The following ELK3 variants were observed in gnomAD, a reference collection of about 807,000 sequenced individuals.
ELK3 encodes ETS transcription factor ELK3.
A neutral mutation model predicts 28.9 loss-of-function variants in ELK3; 10 were observed. The ratio of observed to expected loss-of-function variants is 0.35; its 90% CI spans 0.21 to 0.59. The LOEUF is 0.59. ELK3 is among the 20% of genes least tolerant of loss of function. ELK3 has a pLI of 0.82. For synonymous variants in ELK3, 272 were observed against 243.5 expected (o/e 1.12, Z -1.09); for missense variants, 463 against 517.3 (o/e 0.90, Z 1.02).
rs146390110 is a variant in ELK3 at position 96,211,307 on chromosome 12, T to A, written c.-2-12258T>A. ...GGAGGATATATTAATAGCTAACGTT[T>A]TCTTAGAACAGTGCTCTTAATTTGA... On this transcript the variant is annotated intron_variant, in intron 1 of 4. Coordinates refer to ENST00000228741, the MANE Select transcript of ELK3 (RefSeq NM_005230.4). 2.4e-3 allele frequency among the ~76,000 whole-genome samples: 365 copies of A among 152,354 alleles called. 2 individuals carry two copies. Among genetic ancestry groups the A allele is most frequent in the African/African-American group, 8.5e-3 (352 of 41,590 alleles).
rs1317115435 is a variant in ELK3, at chr12:96,267,501, C to CT, written c.*327dup. 2.4e-5 allele frequency: 5 copies of CT among 211,124 alleles called. No individual in the cohort carries two copies. The highest frequency in any genetic ancestry group is 4.8e-5 in the Non-Finnish European group (5 of 103,598). 13.1% of individuals were successfully genotyped at this position (211,124 alleles called of 1,614,324 possible). ...CAGTATAACTAATAAGGATGTGAAGCTTTTTTCTCTTTAGTTCTGAGTATG... is the reference window on the plus strand; with the variant it reads ...CAGTATAACTAATAAGGATGTGAAGCTTTTTTTCTCTTTAGTTCTGAGTATG... On this transcript the variant is annotated 3_prime_UTR_variant, in exon 5 of 5. Coordinates refer to ENST00000228741, the MANE Select transcript of ELK3 (RefSeq NM_005230.4).
At chr12:96,265,329 T>G (rs774715132) in intron 4 of ELK3, among the ~76,000 whole-genome samples, 1 of 152,244 alleles carries the variant, frequency 6.6e-6, no homozygotes, top group Non-Finnish European at 1.5e-5. Flanking sequence ...ATACCAAAAC[T>G]GATTCTCTTG....
intron 2 of ELK3, among the ~76,000 whole-genome samples, chr12:96,230,565 C>T (rs937190414): frequency 6.6e-6 from 1 of 152,176 alleles, no homozygotes; most frequent in Non-Finnish European, 1.5e-5. Flanking sequence ...AAAGACACAT[C>T]GCTGAGCCAA....
At position 96,210,556 on chromosome 12, in the gene ELK3, C is replaced by T. The variant is rs550827108; in HGVS notation, c.-2-13009C>T. ...TCATCCTGTTCCACCGCCCTGCGCG[C>T]GGGCGCACGCACACACACACACACA... is the stretch of plus-strand genomic sequence containing the variant. On this transcript the variant is annotated intron_variant, in intron 1 of 4. Transcript: ENST00000228741. Among the ~76,000 whole-genome samples, 242 of 129,482 alleles carry T rather than the reference C, an allele frequency of 1.9e-3. 1 individual carries two copies. Among genetic ancestry groups the T allele is most frequent in the African/African-American group, 6.8e-3 (229 of 33,538 alleles). 84.9% of individuals were successfully genotyped at this position (129,482 alleles called of 152,430 possible).
intron 1 of ELK3, among the ~76,000 whole-genome samples, chr12:96,210,597 A>ACACACACCCCCCCC (rs1416746905): frequency 1.3e-4 from 19 of 149,052 alleles, no homozygotes; most frequent in Non-Finnish European, 2.4e-4. Flanking sequence ...ACACACACAC[A>ACACACACCCCCCCC]CCCCGAGTGG....
chr12:96,247,271 G>A lies in ELK3; in HGVS notation c.539G>A (p.Arg180Lys). The A allele has an allele frequency of 6.2e-7, 1 of 1,614,244 alleles. No individual in the cohort carries two copies. The highest frequency in any genetic ancestry group is 1.1e-5 in the South Asian group (1 of 91,088). The part of the protein sequence containing the change: ...PEDSPPVEEV[R>K]TVIRFVTNKT... ...GACAGCCCCCCCGTGGAAGAAGTCA[G>A]GACTGTGATCAGGTTTGTGACCAAT... Residue 180 changes from arginine to lysine, a missense_variant, in exon 3 of 5, where the codon AGG becomes AAG. By Grantham distance (26) the Arg-to-Lys change is conservative. Coordinates refer to ENST00000228741, the MANE Select transcript of ELK3 (RefSeq NM_005230.4). The surrounding 1 kb of genome is among the most constrained non-coding windows in gnomAD (Gnocchi z 5.5).
intron 4 of ELK3, among the ~76,000 whole-genome samples, chr12:96,264,077 A>G (rs1306649853): frequency 6.6e-6 from 1 of 152,192 alleles, no homozygotes; most frequent in Admixed American, 6.5e-5. Flanking sequence ...CCTGGGCTCA[A>G]GCGATCCTCC....
intron 2 of ELK3, among the ~76,000 whole-genome samples, chr12:96,234,376 G>A (rs1429793531): frequency 3.3e-5 from 5 of 152,174 alleles, no homozygotes; most frequent in South Asian, 4.1e-4. Context: ...AGCCCACACC[G>A]AGTCTGCGTT....
intron 1 of ELK3, among the ~76,000 whole-genome samples, chr12:96,204,146 T>C (rs1353298601): frequency 6.6e-6 from 1 of 152,202 alleles, no homozygotes; most frequent in Non-Finnish European, 1.5e-5. Context: ...GGATAGGATA[T>C]GTTGAAAGAA....
In ELK3 at chr12:96,215,393, C is replaced by T. The variant is rs182270917; in HGVS notation, c.-2-8172C>T. Among the ~76,000 whole-genome samples the T allele has an allele frequency of 3.8e-3, 581 of 152,292 alleles. 7 individuals carry two copies. The highest frequency in any genetic ancestry group is 0.013 in the African/African-American group (537 of 41,556). On this transcript the variant is annotated intron_variant, in intron 1 of 4. Coordinates refer to ENST00000228741, the MANE Select transcript of ELK3 (RefSeq NM_005230.4). ...TTGTGGCCGACAGGAAGGAGGTCAG[C>T]TTCCAAGAAGAGGCCAGTAGCTTTT... is the stretch of plus-strand genomic sequence containing the variant.
In ELK3 at chr12:96,247,910, CAT is replaced by C. The variant is rs767452607; in HGVS notation, c.1002+177_1002+178del. Among the ~76,000 whole-genome samples, 3 of 152,206 alleles carry C rather than the reference CAT, an allele frequency of 2.0e-5. No homozygotes were observed. Among genetic ancestry groups the C allele is most frequent in the Non-Finnish European group, 4.4e-5 (3 of 68,038 alleles). ...TTCCATCCTCAGACCAAGGGGTGCA[CAT>C]GAGACAGGGTTTGGTTTGTCGACTC... On this transcript the variant is annotated intron_variant, in intron 3 of 4. Transcript: ENST00000228741. The surrounding 1 kb of genome is among the most constrained non-coding windows in gnomAD (Gnocchi z 5.5).
chr12:96,246,674 A>T (rs1951858131), intron 2 of ELK3, among the ~76,000 whole-genome samples: 1 of 152,142 alleles, frequency 6.6e-6, no homozygotes, highest in African/African-American at 2.4e-5. Flanking sequence ...AATCATCATC[A>T]TCATCATCAT....
intron 2 of ELK3, among the ~76,000 whole-genome samples, chr12:96,234,505 C>G (rs1197799782): frequency 1.3e-5 from 2 of 152,144 alleles, no homozygotes; most frequent in Non-Finnish European, 2.9e-5. Context: ...CGCCGTCCAC[C>G]CACGCCTCAG....
chr12:96,245,989 C>T (rs545416358), intron 2 of ELK3, among the ~76,000 whole-genome samples: 5 of 152,034 alleles, frequency 3.3e-5, no homozygotes, highest in Non-Finnish European at 7.4e-5. Context: ...GTAGACAATT[C>T]GTTTTCCTTC....
intron 1 of ELK3, among the ~76,000 whole-genome samples, chr12:96,195,724 T>G (rs1200873280): frequency 6.6e-6 from 1 of 152,148 alleles, no homozygotes; most frequent in African/African-American, 2.4e-5. Context: ...CTAATTGCCA[T>G]GCGCTTCCGC....
rs991215944 is a variant in ELK3 at position 96,200,146 on chromosome 12, G to A, written c.-3+5441G>A. On this transcript the variant is annotated intron_variant, in intron 1 of 4. Coordinates refer to ENST00000228741, the MANE Select transcript of ELK3 (RefSeq NM_005230.4). ...ATATATCATGTATAGTAATTAGATC[G>A]AGGTAATTAGATCCATCATCTCAAA... Among the ~76,000 whole-genome samples the A allele has an allele frequency of 7.2e-5, 11 of 152,154 alleles. No homozygotes were observed. In the East Asian group the frequency reaches 1.2e-3, roughly 16 times the overall value.
intron 2 of ELK3, among the ~76,000 whole-genome samples, chr12:96,224,656 G>A (rs990406964): frequency 6.6e-6 from 1 of 152,234 alleles, no homozygotes; most frequent in Non-Finnish European, 1.5e-5. Context: ...CAGTTTTAAT[G>A]TGCTTGCTAG....
intron 1 of ELK3, among the ~76,000 whole-genome samples, chr12:96,210,590 C>CAA (rs2137005013): frequency 6.6e-6 from 1 of 151,714 alleles, no homozygotes; most frequent in East Asian, 1.9e-4. Flanking sequence ...CACACACACA[C>CAA]ACACACACCC....
chr12:96,233,848 C>A (rs1951760751), intron 2 of ELK3, among the ~76,000 whole-genome samples: 1 of 152,190 alleles, frequency 6.6e-6, no homozygotes, highest in Admixed American at 6.5e-5. Flanking sequence ...ATCGAGGGGG[C>A]CCTCTGTGCC....
Sources: allele counts gnomAD v4.1 joint callset (sites outside exome capture counted in the v4.1 genomes callset), GRCh38; gene constraint gnomAD v4.1.1; non-coding constraint Gnocchi (gnomAD v3.1); transcripts MANE v1.5; gene names NCBI Gene and HGNC (gene_info 2026-07-23, HGNC 2026-07-21).